The following ARHGEF10 variants were observed in gnomAD, a reference collection of about 807,000 sequenced individuals.
ARHGEF10 encodes Rho guanine nucleotide exchange factor 10.
In ARHGEF10, 140 loss-of-function variants were observed where a neutral mutation model predicts 147.4. That is an observed-to-expected ratio of 0.95 (90% CI 0.83 to 1.09). The LOEUF (loss-of-function observed/expected upper bound fraction) is 1.09. ARHGEF10 is among the 50% of genes least tolerant of loss of function. ARHGEF10 has a pLI of 0.00. For synonymous variants in ARHGEF10, 902 were observed against 695.8 expected, an observed-to-expected ratio of 1.30 and a Z score of -4.67; for missense variants, 2,222 against 1,752.7, an observed-to-expected ratio of 1.27 and a Z score of -4.78.
intron 7 of ARHGEF10, among the ~76,000 whole-genome samples, chr8:1,874,855 G>A (rs1807536802): frequency 8.8e-6 from 1 of 113,766 alleles, no homozygotes; most frequent in East Asian, 2.9e-4. Flanking sequence ...AGGGGGTAGA[G>A]GTTCTAAGAC....
intron 2 of ARHGEF10, among the ~76,000 whole-genome samples, chr8:1,846,735 C>T (rs181279843): frequency 2.9e-4 from 44 of 152,216 alleles, no homozygotes; most frequent in African/African-American, 1.1e-3. Flanking sequence ...TGCCACCATG[C>T]CCAGCTAATT....
rs1045042828 is a variant in ARHGEF10, at chr8:1,903,568, G to A, written c.1821+117G>A. 2.2e-6 allele frequency: 3 copies of A among 1,393,726 alleles called. No individual in the cohort carries two copies. The African/African-American group carries it at 4.3e-5, about 20-fold the overall frequency. The allele number at this position is 1,393,726 out of a possible 1,614,324, so 86.3% of individuals were successfully genotyped here. On this transcript the variant is annotated intron_variant, in intron 16 of 28. Transcript: ENST00000349830. ...CGTTTGGAGTAATTCCCTTCGCCCAGAGTTCTTAACCGGGGTGGATGGAGG... is the reference window on the plus strand; with the variant it reads ...CGTTTGGAGTAATTCCCTTCGCCCAAAGTTCTTAACCGGGGTGGATGGAGG...
In ARHGEF10 at chr8:1,956,884, A is replaced by G. The variant is rs746004270; in HGVS notation, c.3656A>G (p.Gln1219Arg). ...APGPEPQDED[Q>R]KDALPSGGAG... ...GGCCCCGAGCCTCAGGACGAAGACC[A>G]GAAGGACGCACTTCCGAGTGGAGGA... Residue 1219 changes from glutamine (Q) to arginine (R), a missense_variant, in exon 29 of 29, where the codon CAG becomes CGG. Transcript: ENST00000349830. 6.3e-5 allele frequency: 101 copies of G among 1,614,036 alleles called. 1 individual carries two copies. The highest frequency in any genetic ancestry group is 8.3e-5 in the Non-Finnish European group (98 of 1,180,034).
intron 17 of ARHGEF10, among the ~76,000 whole-genome samples, chr8:1,906,092 A>G (rs905214693): frequency 6.6e-6 from 1 of 152,228 alleles, no homozygotes; most frequent in East Asian, 1.9e-4. Context: ...TAAATATAAT[A>G]AAGTTGGGTA....
chr8:1,875,642 A>C (rs183175750), intron 7 of ARHGEF10, among the ~76,000 whole-genome samples: 31 of 152,340 alleles, frequency 2.0e-4, no homozygotes, highest in Admixed American at 1.7e-3. Flanking sequence ...ACTTTTAATC[A>C]GACATTTGGA....
Position 1,883,206 on chromosome 8 carries a change from A to G in ARHGEF10, c.1075+457A>G, listed in dbSNP as rs113606161. ...TCCAGGTTTTTCTAAACATCTAACGAAGGCGCAGTGGTCTGTGCAGTTATG... is the reference window on the plus strand; with the variant it reads ...TCCAGGTTTTTCTAAACATCTAACGGAGGCGCAGTGGTCTGTGCAGTTATG... On this transcript the variant is annotated intron_variant, in intron 10 of 28. Transcript: ENST00000349830. 5.5e-3 allele frequency among the ~76,000 whole-genome samples: 840 copies of G among 152,244 alleles called. 7 individuals are homozygous for G. The highest frequency in any genetic ancestry group is 0.019 in the African/African-American group (783 of 41,538).
chr8:1,892,321 GTGTGTGTT>G (rs1305012579), intron 11 of ARHGEF10, among the ~76,000 whole-genome samples: 8 of 142,284 alleles, frequency 5.6e-5, no homozygotes, highest in African/African-American at 2.0e-4. Flanking sequence ...GTGTGTGTGT[GTGTGTGTT>G]TAATCCCAGC....
chr8:1,954,229 G>A (rs1815297503), intron 28 of ARHGEF10, among the ~76,000 whole-genome samples: 1 of 152,084 alleles, frequency 6.6e-6, no homozygotes, highest in Non-Finnish European at 1.5e-5. Flanking sequence ...TAGTAGCTGG[G>A]ATTACAGGCA....
chr8:1,835,924 G>A (rs548842119), intron 1 of ARHGEF10, among the ~76,000 whole-genome samples: 1 of 152,306 alleles, frequency 6.6e-6, no homozygotes, highest in African/African-American at 2.4e-5. Flanking sequence ...GCTCACACCT[G>A]TAATCCCGGC....
Position 1,881,613 on chromosome 8 carries a change from C to T in ARHGEF10, c.961-1022C>T, listed in dbSNP as rs1313431441. On this transcript the variant is annotated intron_variant, in intron 9 of 28. Transcript: ENST00000349830. ...TGCAAGTGATGGAGATGGGCTGGGG[C>T]AGGCGACGCGGGTGTGAGGCCGTGC... 9.9e-5 allele frequency among the ~76,000 whole-genome samples: 15 copies of T among 152,096 alleles called. No homozygotes were observed. The East Asian group carries it at 2.7e-3, about 28-fold the overall frequency.
At chr8:1,843,849 C>T (rs568538296) in intron 2 of ARHGEF10, among the ~76,000 whole-genome samples, 52 of 152,350 alleles carry the variant, frequency 3.4e-4, no homozygotes, top group African/African-American at 1.2e-3. Context: ...CTGCCTCCCT[C>T]CTCTGAGCGG....
chr8:1,826,599 G>A (rs1423905810), intron 1 of ARHGEF10, among the ~76,000 whole-genome samples: 1 of 152,198 alleles, frequency 6.6e-6, no homozygotes, highest in African/African-American at 2.4e-5. Flanking sequence ...AGAAGGCGTT[G>A]TATGGGGAAG....
At chr8:1,857,733 G>A (rs1440985636) in intron 2 of ARHGEF10, among the ~76,000 whole-genome samples, 2 of 151,634 alleles carry the variant, frequency 1.3e-5, no homozygotes, top group Admixed American at 1.3e-4. Flanking sequence ...TTTCTTCTCT[G>A]TGAGTTGTAG....
intron 18 of ARHGEF10, 94 bp from the exon 19 acceptor site, chr8:1,922,870 T>A (rs1212149345): frequency 1.3e-5 from 11 of 861,688 alleles, no homozygotes; most frequent in South Asian, 1.5e-5. Context: ...AACTTAAAAA[T>A]TATTTAGTAT....
intron 28 of ARHGEF10, among the ~76,000 whole-genome samples, chr8:1,953,038 A>C (rs1815182214): frequency 6.6e-6 from 1 of 152,262 alleles, no homozygotes; most frequent in South Asian, 2.1e-4. Context: ...TCCAAGGAGA[A>C]TCTTATGTTT....
Position 1,870,265 on chromosome 8 carries a change from G to C in ARHGEF10, c.679+1015G>C, listed in dbSNP as rs1048486875. 8.0e-5 allele frequency: 9 copies of C among 112,736 alleles called. No individual in the cohort carries two copies. In the South Asian group the frequency reaches 2.4e-3, roughly 29 times the overall value. The allele number at this position is 112,736 out of a possible 1,614,324, so 7.0% of individuals were successfully genotyped here. On this transcript the variant is annotated intron_variant, in intron 7 of 28. Coordinates refer to ENST00000349830, the MANE Select transcript of ARHGEF10 (RefSeq NM_014629.4). ...TTTTTTTTTTTTTTTTTTTTGCTAT[G>C]GATTGGTCCAGTTTGCGTTTTATGG...
At position 1,923,730 on chromosome 8, in the gene ARHGEF10, G is replaced by C. The variant is rs2272614; in HGVS notation, c.2388-44G>C. 356,027 of 1,613,100 alleles carry C rather than the reference G, an allele frequency of 0.22. 40,769 individuals carry two copies. Among genetic ancestry groups the C allele is most frequent in the Middle Eastern group, 0.26 (1,585 of 6,058 alleles). Reference sequence around the variant, plus strand: ...ATGTGTAATTTAACCTCACAGGATGGAGCACGTTTTATAAAATGAATGCTT... The same window carrying C: ...ATGTGTAATTTAACCTCACAGGATGCAGCACGTTTTATAAAATGAATGCTT... On this transcript the variant is annotated intron_variant, in intron 20 of 28. Coordinates refer to ENST00000349830, the MANE Select transcript of ARHGEF10 (RefSeq NM_014629.4).
In ARHGEF10 at chr8:1,896,392, C is replaced by G; in HGVS notation, c.1500C>G (p.Ala500=). The G allele has an allele frequency of 6.2e-7, 1 of 1,613,884 alleles. No individual in the cohort carries two copies. Among genetic ancestry groups the G allele is most frequent in the East Asian group, 2.2e-5 (1 of 44,868 alleles). The change falls in exon 14 of 29, where the codon GCC becomes GCG. Residue 500 remains alanine, a synonymous_variant. Coordinates refer to ENST00000349830, the MANE Select transcript of ARHGEF10 (RefSeq NM_014629.4). ...YSEYVNNFST[A]VAVLKKTCAT... ...AATATGTGAACAATTTCAGCACAGC[C>G]GTGGCAGTCCTCAAGAAAACATGTG...
intron 11 of ARHGEF10, among the ~76,000 whole-genome samples, chr8:1,888,564 G>T (rs551133545): frequency 2.8e-5 from 4 of 140,766 alleles, no homozygotes; most frequent in African/African-American, 1.2e-4. Flanking sequence ...GGTATGGGGA[G>T]ACACTGAGTG....
Sources: gnomAD v4.1 joint callset for allele counts (sites outside exome capture counted in the v4.1 genomes callset) on GRCh38, gnomAD v4.1.1 for gene constraint, MANE v1.5 for transcripts, NCBI Gene and HGNC (gene_info 2026-07-23, HGNC 2026-07-21) for gene names.